The following PRKN variants were observed in gnomAD, a reference collection of about 807,000 sequenced individuals.
PRKN encodes the protein parkin RBR E3 ubiquitin protein ligase.
A neutral mutation model predicts 59.5 loss-of-function variants in PRKN; 56 were observed. The ratio of observed to expected loss-of-function variants is 0.94; its 90% CI spans 0.76 to 1.18. The LOEUF (loss-of-function observed/expected upper bound fraction) is 1.18, where lower values mean the gene tolerates loss of function less well. Among genes scored for constraint, PRKN ranks in the 50% most tolerant of loss-of-function variants. The pLI is 0.00. For missense variants in PRKN, 657 were observed against 596.4 expected (o/e 1.10, Z -1.06); for synonymous variants, 250 against 222.1 (o/e 1.13, Z -1.12).
At chr6:162,704,120 G>T (rs1056558657) in intron 1 of PRKN, among the ~76,000 whole-genome samples, 4 of 152,164 alleles carry the variant, frequency 2.6e-5, no homozygotes, top group Admixed American at 6.5e-5. Flanking sequence ...AGGGTAAAGT[G>T]TGAGGACAAT....
chr6:161,877,182 T>C (rs925551163), intron 6 of PRKN, among the ~76,000 whole-genome samples: 4 of 152,054 alleles, frequency 2.6e-5, no homozygotes, highest in Non-Finnish European at 4.4e-5. Context: ...TGCACAGTGG[T>C]AGTCATAGAG....
intron 2 of PRKN, among the ~76,000 whole-genome samples, chr6:162,284,710 A>G (rs970220759): frequency 1.2e-4 from 18 of 152,180 alleles, no homozygotes; most frequent in Non-Finnish European, 2.6e-4. Context: ...GAAGACATTC[A>G]CAGCTGAGAA....
rs539968596 is a variant in PRKN, at chr6:161,543,036, T to C, written c.1083+5818A>G. 2.6e-5 allele frequency among the ~76,000 whole-genome samples: 4 copies of C among 152,354 alleles called. No individual in the cohort carries two copies. In the South Asian group the frequency reaches 8.3e-4, roughly 32 times the overall value. ...TCCTTTTATTATTAAATATTGATCA[T>C]CTACATGTTTTCTCTTTCCAAGGTC... On this transcript the variant is annotated intron_variant, in intron 9 of 11. Transcript: ENST00000366898.
intron 2 of PRKN, among the ~76,000 whole-genome samples, chr6:162,396,300 T>C (rs2128147189): frequency 6.6e-6 from 1 of 152,318 alleles, no homozygotes; most frequent in South Asian, 2.1e-4. Context: ...GATGTGTTCC[T>C]CGTGTTTGAA....
At chr6:161,686,527 T>G (rs1785562433) in intron 7 of PRKN, among the ~76,000 whole-genome samples, 1 of 152,168 alleles carries the variant, frequency 6.6e-6, no homozygotes, top group Non-Finnish European at 1.5e-5. Context: ...ATTATTAAGT[T>G]TTGTTATTAT....
Position 161,355,923 on chromosome 6 carries a change from A to G in PRKN, c.1285+4165T>C, listed in dbSNP as rs1266431794. 6.6e-6 allele frequency among the ~76,000 whole-genome samples: 1 copy of G among 152,186 alleles called. No individual in the cohort carries two copies. Among genetic ancestry groups the G allele is most frequent in the African/African-American group, 2.4e-5 (1 of 41,444 alleles). On this transcript the variant is annotated intron_variant, in intron 11 of 11. Coordinates refer to ENST00000366898, the MANE Select transcript of PRKN (RefSeq NM_004562.3). The surrounding 1 kb of genome is among the most constrained non-coding windows in gnomAD (Gnocchi z 6.8). ...GTGGGACTCGTTGGGTAAAGGGGGA[A>G]GCAGACACTGAGATGGAAAGGGAGG...
intron 2 of PRKN, among the ~76,000 whole-genome samples, chr6:162,408,109 T>C: frequency 6.6e-6 from 1 of 152,196 alleles, no homozygotes; most frequent in East Asian, 1.9e-4. Flanking sequence ...TCATATCTTC[T>C]TTTGAACCAG....
At chr6:162,194,013 C>A (rs899164846) in intron 4 of PRKN, among the ~76,000 whole-genome samples, 1 of 152,040 alleles carries the variant, frequency 6.6e-6, no homozygotes, top group African/African-American at 2.4e-5. Context: ...AACCAACAAA[C>A]AAAGAAAATG....
chr6:161,699,034 A>AC (rs1786139234), intron 7 of PRKN, among the ~76,000 whole-genome samples: 1 of 152,162 alleles, frequency 6.6e-6, no homozygotes. Flanking sequence ...CACTCTAAAA[A>AC]CTCAATAATA....
At chr6:162,005,271 A>ATT (rs1375820113) in intron 5 of PRKN, among the ~76,000 whole-genome samples, 3 of 152,230 alleles carry the variant, frequency 2.0e-5, no homozygotes, top group Non-Finnish European at 4.4e-5. Context: ...GTAATAAAAG[A>ATT]AATAAAGTAT....
At chr6:161,542,621 T>G (rs1779656683) in intron 9 of PRKN, among the ~76,000 whole-genome samples, 2 of 152,258 alleles carry the variant, frequency 1.3e-5, no homozygotes, top group South Asian at 2.1e-4. Context: ...CAAATAAACA[T>G]GGACTGCATA....
intron 2 of PRKN, among the ~76,000 whole-genome samples, chr6:162,320,381 A>ACC (rs1782951415): frequency 1.5e-5 from 2 of 129,584 alleles, no homozygotes; most frequent in Admixed American, 7.6e-5. Flanking sequence ...AAAAAAAAAA[A>ACC]AAACCAAGCA....
intron 9 of PRKN, among the ~76,000 whole-genome samples, chr6:161,486,766 A>G (rs1791667038): frequency 6.6e-6 from 1 of 152,226 alleles, no homozygotes; most frequent in Non-Finnish European, 1.5e-5. Flanking sequence ...ATTAAATGTG[A>G]AAGTCTAGGA....
At position 162,395,452 on chromosome 6, in the gene PRKN, G is replaced by A. The variant is rs148248762; in HGVS notation, c.171+47858C>T. Among the ~76,000 whole-genome samples the A allele has an allele frequency of 1.3e-3, 203 of 152,254 alleles. 1 individual carries two copies. Among genetic ancestry groups the A allele is most frequent in the African/African-American group, 4.6e-3 (192 of 41,548 alleles). On this transcript the variant is annotated intron_variant, in intron 2 of 11. Transcript: ENST00000366898. ...GTTTGCCACAGTGCCAACCACATTG[G>A]AAGTGAATCTTCTATCATCAGTTAA...
chr6:161,756,375 G>C (rs904358711), intron 7 of PRKN, among the ~76,000 whole-genome samples: 2 of 145,930 alleles, frequency 1.4e-5, no homozygotes, highest in African/African-American at 5.1e-5. Context: ...CTGGGAGGTG[G>C]AGGCTGCAGT....
chr6:162,368,624 T>G (rs1366991436), intron 2 of PRKN, among the ~76,000 whole-genome samples: 1 of 152,152 alleles, frequency 6.6e-6, no homozygotes, highest in East Asian at 1.9e-4. Context: ...ACAGAAATGC[T>G]TATGCAAACA....
chr6:161,833,199 G>A (rs187195585), intron 6 of PRKN, among the ~76,000 whole-genome samples: 1 of 152,064 alleles, frequency 6.6e-6, no homozygotes, highest in African/African-American at 2.4e-5. Context: ...CACAGAAAAT[G>A]TCTTATAAAG....
intron 6 of PRKN, among the ~76,000 whole-genome samples, chr6:161,943,983 G>A (rs1430989482): frequency 6.7e-6 from 1 of 148,740 alleles, no homozygotes; most frequent in Non-Finnish European, 1.5e-5. Flanking sequence ...TGAGGAAGCA[G>A]CCTGAGGAAG....
chr6:162,301,559 C>G (rs191663147), intron 2 of PRKN, among the ~76,000 whole-genome samples: 1 of 151,998 alleles, frequency 6.6e-6, no homozygotes, highest in African/African-American at 2.4e-5. Flanking sequence ...AGGCCTCCTG[C>G]GTTGGTCTTC....
Sources: allele counts gnomAD v4.1 joint callset (sites outside exome capture counted in the v4.1 genomes callset), GRCh38; gene constraint gnomAD v4.1.1; non-coding constraint Gnocchi (gnomAD v3.1); transcripts MANE v1.5; gene names NCBI Gene and HGNC (gene_info 2026-07-23, HGNC 2026-07-21).